Variants in LRRTM4 observed in about 807,000 individuals in gnomAD.
LRRTM4 encodes leucine rich repeat transmembrane neuronal 4.
In LRRTM4, 25 loss-of-function variants were observed where a neutral mutation model predicts 47.6. The observed-to-expected ratio is 0.53, with a 90% CI of 0.38 to 0.73. The LOEUF (loss-of-function observed/expected upper bound fraction) is 0.73. LRRTM4 is among the 30% of genes least tolerant of loss of function. LRRTM4 has a pLI of 0.00. For synonymous variants in LRRTM4, 311 were observed against 269.5 expected, an observed-to-expected ratio of 1.15 and a Z score of -1.51; for missense variants, 638 against 713.4, an observed-to-expected ratio of 0.89 and a Z score of 1.20.
intron 3 of LRRTM4, among the ~76,000 whole-genome samples, chr2:77,326,736 C>G (rs1402231071): frequency 6.6e-6 from 1 of 152,166 alleles, no homozygotes; most frequent in Non-Finnish European, 1.5e-5. Flanking sequence ...TTACTCCTCT[C>G]ATCATCTCTA....
intron 3 of LRRTM4, among the ~76,000 whole-genome samples, chr2:76,873,277 AG>A (rs1672679634): frequency 6.6e-6 from 1 of 151,958 alleles, no homozygotes; most frequent in South Asian, 2.1e-4. Flanking sequence ...TTTGCAATAT[AG>A]TGGCAGAAAA....
rs142334162 is a variant in LRRTM4, at chr2:77,020,251, T to G, written c.1552-271335A>C. On this transcript the variant is annotated intron_variant, in intron 3 of 3. Coordinates refer to ENST00000409884, the MANE Select transcript of LRRTM4 (RefSeq NM_001134745.3). ...AAATAAAAACCTTAATATTCTCTAG[T>G]GTCTCCAGCTAGCCAAAGATTCTCA... 1.1e-3 allele frequency among the ~76,000 whole-genome samples: 164 copies of G among 152,264 alleles called. 1 individual carries two copies. Among genetic ancestry groups the G allele is most frequent in the African/African-American group, 3.8e-3 (159 of 41,580 alleles).
chr2:76,873,524 A>ATATGTATATATATATATATATATG (rs1672696916), intron 3 of LRRTM4, among the ~76,000 whole-genome samples: 1 of 145,494 alleles, frequency 6.9e-6, no homozygotes, highest in African/African-American at 2.5e-5. Flanking sequence ...ATATATATAT[A>ATATGTATATATATATATATATATG]TATATATATA....
intron 3 of LRRTM4, among the ~76,000 whole-genome samples, chr2:77,166,379 G>C (rs1232798400): frequency 6.6e-6 from 1 of 152,080 alleles, no homozygotes; most frequent in Non-Finnish European, 1.5e-5. Context: ...TGTCCACACT[G>C]TCCAAGATAA....
intron 3 of LRRTM4, among the ~76,000 whole-genome samples, chr2:76,963,524 A>C (rs1675930547): frequency 6.6e-6 from 1 of 151,044 alleles, no homozygotes; most frequent in South Asian, 2.1e-4. Context: ...GAAATAATTT[A>C]AGAAATTCAA....
intron 3 of LRRTM4, chr2:77,517,540 G>T (rs1679256388): frequency 1.0e-6 from 1 of 984,926 alleles, no homozygotes; most frequent in African/African-American, 1.7e-5. Flanking sequence ...GCATGGAATT[G>T]AAGTTTCATT....
At chr2:76,777,102 T>A (rs952411412) in intron 3 of LRRTM4, among the ~76,000 whole-genome samples, 1 of 147,908 alleles carries the variant, frequency 6.8e-6, no homozygotes, top group Non-Finnish European at 1.5e-5. Flanking sequence ...GGCTCTGTTC[T>A]GTTCCATTGA....
At chr2:77,172,650 A>G (rs1016196766) in intron 3 of LRRTM4, among the ~76,000 whole-genome samples, 1 of 152,184 alleles carries the variant, frequency 6.6e-6, no homozygotes, top group Non-Finnish European at 1.5e-5. Context: ...ACAACATACA[A>G]ACAATAGCAT....
At chr2:77,521,109 A>G (rs1188245519) in intron 2 of LRRTM4, among the ~76,000 whole-genome samples, 1 of 151,998 alleles carries the variant, frequency 6.6e-6, no homozygotes, top group Non-Finnish European at 1.5e-5. Flanking sequence ...ACTCATTGAA[A>G]TACATTCCAG....
At chr2:76,829,211 C>T (rs1180977485) in intron 3 of LRRTM4, among the ~76,000 whole-genome samples, 1 of 151,932 alleles carries the variant, frequency 6.6e-6, no homozygotes, top group African/African-American at 2.4e-5. Flanking sequence ...CCAAGAGCAA[C>T]TGTTGGCTGG....
intron 3 of LRRTM4, among the ~76,000 whole-genome samples, chr2:76,776,361 T>G (rs1303578561): frequency 6.6e-6 from 1 of 152,156 alleles, no homozygotes; most frequent in Non-Finnish European, 1.5e-5. Context: ...TGAACTAGTT[T>G]ACAGTCCCAC....
At chr2:77,224,882 G>A (rs1233780766) in intron 3 of LRRTM4, among the ~76,000 whole-genome samples, 2 of 151,986 alleles carry the variant, frequency 1.3e-5, no homozygotes, top group South Asian at 2.1e-4. Context: ...CCAAAAGATT[G>A]TAAATCATGC....
chr2:76,968,979 A>G (rs775472568), intron 3 of LRRTM4, among the ~76,000 whole-genome samples: 1 of 151,908 alleles, frequency 6.6e-6, no homozygotes, highest in Non-Finnish European at 1.5e-5. Context: ...TAATTGCAAA[A>G]TAAAGAGACC....
chr2:77,485,475 C>T (rs1460950832), intron 3 of LRRTM4, among the ~76,000 whole-genome samples: 2 of 152,168 alleles, frequency 1.3e-5, no homozygotes, highest in East Asian at 3.9e-4. Flanking sequence ...TAGTTGTGGA[C>T]CAATGGTCAT....
At chr2:76,972,520 C>A (rs529174245) in intron 3 of LRRTM4, among the ~76,000 whole-genome samples, 1 of 147,014 alleles carries the variant, frequency 6.8e-6, no homozygotes, top group Non-Finnish European at 1.5e-5. Context: ...TGAGTTCAAG[C>A]GATTCTTCTG....
chr2:76,984,017 A>C (rs1676705550), intron 3 of LRRTM4, among the ~76,000 whole-genome samples: 1 of 152,108 alleles, frequency 6.6e-6, no homozygotes, highest in Non-Finnish European at 1.5e-5. Context: ...CTACCTGAAT[A>C]CCTTCTGTTT....
At chr2:77,301,811 G>A (rs776075734) in intron 3 of LRRTM4, among the ~76,000 whole-genome samples, 1 of 152,010 alleles carries the variant, frequency 6.6e-6, no homozygotes, top group Non-Finnish European at 1.5e-5. Context: ...AGTGGGCTGT[G>A]GAGAGATTTC....
At chr2:76,762,020 T>G (rs991676911) in intron 3 of LRRTM4, among the ~76,000 whole-genome samples, 10 of 152,166 alleles carry the variant, frequency 6.6e-5, no homozygotes, top group Admixed American at 6.5e-4. Flanking sequence ...CTACAGAGAA[T>G]AGCTTGCAAA....
intron 3 of LRRTM4, among the ~76,000 whole-genome samples, chr2:77,160,826 A>C (rs1278749229): frequency 2.6e-5 from 4 of 152,098 alleles, no homozygotes; most frequent in African/African-American, 9.7e-5. Context: ...AGGTGCCTGA[A>C]TTTTGCTAAG....
Sources: allele counts gnomAD v4.1 joint callset (sites outside exome capture counted in the v4.1 genomes callset), GRCh38; gene constraint gnomAD v4.1.1; transcripts MANE v1.5; gene names NCBI Gene and HGNC (gene_info 2026-07-23, HGNC 2026-07-21).